The following SLC22A9 variants were observed in gnomAD, a reference collection of about 807,000 sequenced individuals.
SLC22A9 encodes the protein solute carrier family 22 member 9.
In SLC22A9, 64 loss-of-function variants were observed where a neutral mutation model predicts 50.1. The observed-to-expected ratio is 1.28, with a 90% confidence interval of 1.04 to 1.57. SLC22A9 has a LOEUF of 1.57. Among genes scored for constraint, SLC22A9 ranks in the 40% most tolerant of loss-of-function variants. The pLI is 0.00. For missense variants in SLC22A9, 757 were observed against 676.1 expected (o/e 1.12, Z -1.33); for synonymous variants, 261 against 242.5 (o/e 1.08, Z -0.71).
At chr11:63,389,330 C>T (rs1052751181) in intron 6 of SLC22A9, among the ~76,000 whole-genome samples, 1 of 151,898 alleles carries the variant, frequency 6.6e-6, no homozygotes, top group African/African-American at 2.4e-5. Flanking sequence ...TATCCCTCCC[C>T]CTTCCCCCAA....
intron 6 of SLC22A9, among the ~76,000 whole-genome samples, chr11:63,389,965 A>G (rs138758716): frequency 3.0e-4 from 45 of 152,172 alleles, no homozygotes; most frequent in African/African-American, 1.1e-3. Flanking sequence ...TTTGCTGGCC[A>G]CATAAATGTT....
rs893417229 is a variant in SLC22A9 at position 63,410,068 on chromosome 11, G to C, written c.*206G>C. On this transcript the variant is annotated 3_prime_UTR_variant, in exon 10 of 10. Transcript: ENST00000279178. ...ACCCTGGCCAACATGGTGAAACCCT[G>C]TCTCTACTAAAACAAATACAAAACT... is the stretch of plus-strand genomic sequence containing the variant. 2.4e-5 allele frequency: 11 copies of C among 449,252 alleles called. No individual in the cohort carries two copies. Among genetic ancestry groups the C allele is most frequent in the African/African-American group, 1.0e-4 (5 of 49,578 alleles). The allele number at this position is 449,252 out of a possible 1,614,324, so 27.8% of individuals were successfully genotyped here.
intron 6 of SLC22A9, among the ~76,000 whole-genome samples, chr11:63,398,703 C>A (rs956803681): frequency 6.7e-6 from 1 of 149,762 alleles, no homozygotes; most frequent in Non-Finnish European, 1.5e-5. Flanking sequence ...GGGAGATGGG[C>A]AGGGTTGGCA....
intron 6 of SLC22A9, among the ~76,000 whole-genome samples, chr11:63,386,434 CTTTTTTTTTTTTTTTTTT>C (rs71065364): frequency 3.0e-4 from 10 of 33,494 alleles, no homozygotes; most frequent in African/African-American, 1.6e-3. Flanking sequence ...TGGACCTGGA[CTTTTTTTTTTTTTTTTTT>C]TTTTTTTTTT....
At chr11:63,374,273 A>G (rs2119871450) in intron 4 of SLC22A9, among the ~76,000 whole-genome samples, 1 of 152,308 alleles carries the variant, frequency 6.6e-6, no homozygotes, top group Non-Finnish European at 1.5e-5. Flanking sequence ...TAAGGTAACC[A>G]ACAAATATTT....
chr11:63,379,560 AAAT>A (rs1226374898), intron 5 of SLC22A9, among the ~76,000 whole-genome samples: 1 of 152,190 alleles, frequency 6.6e-6, no homozygotes, highest in Non-Finnish European at 1.5e-5. Context: ...TCAACAGAGT[AAAT>A]AAAGAAGAGT....
chr11:63,374,197 C>T (rs966837548), intron 4 of SLC22A9, 135 bp downstream of exon 4: 4 of 767,616 alleles, frequency 5.2e-6, no homozygotes, highest in Non-Finnish European at 7.7e-6. Flanking sequence ...GCTTGATGTG[C>T]AATACAAGAA....
At chr11:63,405,659 A>G (rs1003616337) in intron 6 of SLC22A9, among the ~76,000 whole-genome samples, 4 of 152,152 alleles carry the variant, frequency 2.6e-5, no homozygotes, top group African/African-American at 7.2e-5. Flanking sequence ...TTTTAGTGAC[A>G]TTTCTGATTG....
intron 6 of SLC22A9, among the ~76,000 whole-genome samples, chr11:63,388,694 A>T (rs1268935009): frequency 6.7e-6 from 1 of 150,280 alleles, no homozygotes; most frequent in Non-Finnish European, 1.5e-5. Context: ...TCATAGAATG[A>T]GTTTGGAAGT....
At chr11:63,377,418 A>G (rs1480632074) in intron 5 of SLC22A9, among the ~76,000 whole-genome samples, 1 of 152,194 alleles carries the variant, frequency 6.6e-6, no homozygotes, top group Non-Finnish European at 1.5e-5. Context: ...AAATCATAAA[A>G]TTACATGGAA....
intron 1 of SLC22A9, 131 bp downstream of exon 1, chr11:63,370,589 CTTCTTTA>C: frequency 4.6e-6 from 5 of 1,078,488 alleles, no homozygotes; most frequent in South Asian, 2.2e-5. Context: ...ATACTAATTG[CTTCTTTA>C]TTAAATGTCT....
intron 6 of SLC22A9, among the ~76,000 whole-genome samples, chr11:63,389,096 T>G (rs914504781): frequency 6.6e-6 from 1 of 152,196 alleles, no homozygotes; most frequent in African/African-American, 2.4e-5. Flanking sequence ...TTGTTTATCT[T>G]TTCAAAAACT....
At chr11:63,396,760 T>C (rs1358524955) in intron 6 of SLC22A9, among the ~76,000 whole-genome samples, 3 of 152,178 alleles carry the variant, frequency 2.0e-5, no homozygotes, top group Non-Finnish European at 4.4e-5. Flanking sequence ...AAAATTCTGA[T>C]TTTTTTCTCT....
chr11:63,400,432 C>T (rs770164964), intron 6 of SLC22A9, among the ~76,000 whole-genome samples: 6 of 151,850 alleles, frequency 4.0e-5, no homozygotes, highest in Non-Finnish European at 7.4e-5. Context: ...TTTTTTGACA[C>T]ATAGAATATT....
intron 6 of SLC22A9, among the ~76,000 whole-genome samples, chr11:63,394,569 T>TGGA (rs2014818384): frequency 6.6e-6 from 1 of 152,206 alleles, no homozygotes; most frequent in African/African-American, 2.4e-5. Flanking sequence ...CCTTCTAGCT[T>TGGA]GTAGGGTTTC....
intron 6 of SLC22A9, among the ~76,000 whole-genome samples, chr11:63,383,772 C>A (rs950230051): frequency 1.3e-5 from 2 of 152,068 alleles, no homozygotes; most frequent in African/African-American, 4.8e-5. Context: ...ATGAACAGGT[C>A]GGGCGCAGTG....
chr11:63,407,957 A>G (rs1339953984), intron 7 of SLC22A9, among the ~76,000 whole-genome samples, 155 bp from the exon 8 acceptor site: 1 of 152,254 alleles, frequency 6.6e-6, no homozygotes, highest in South Asian at 2.1e-4. Flanking sequence ...TTTCTCAGCT[A>G]TCAGCCACTG....
chr11:63,385,108 T>TTTG (rs1284988390), intron 6 of SLC22A9, among the ~76,000 whole-genome samples: 4 of 95,470 alleles, frequency 4.2e-5, no homozygotes, highest in African/African-American at 1.1e-4. Flanking sequence ...ATGATACAGT[T>TTTG]TTTTTTTTTT....
At position 63,369,804 on chromosome 11, in the gene SLC22A9, C is replaced by T. The variant is rs1274117693; in HGVS notation, c.-253C>T. On this transcript the variant is annotated 5_prime_UTR_variant, in exon 1 of 10. The change creates a new upstream start codon in the 5' untranslated region. Transcript: ENST00000279178. ...AATTTTAAACACATTTCATTGTAAA[C>T]GACTGGGAGTATCTGAGCAAATTAT... 2.3e-5 allele frequency: 10 copies of T among 443,866 alleles called. 1 individual carries two copies. The highest frequency in any genetic ancestry group is 1.6e-4 in the Admixed American group (4 of 25,288). The allele number at this position is 443,866 out of a possible 1,614,324, so 27.5% of individuals were successfully genotyped here.
Sources: gnomAD v4.1 joint callset for allele counts (sites outside exome capture counted in the v4.1 genomes callset) on GRCh38, gnomAD v4.1.1 for gene constraint, MANE v1.5 for transcripts, NCBI Gene and HGNC (gene_info 2026-07-23, HGNC 2026-07-21) for gene names.